The following GDE1 variants were observed in gnomAD, a reference collection of about 807,000 sequenced individuals.
GDE1 encodes glycerophosphodiester phosphodiesterase 1.
Under a neutral mutation model 32.2 loss-of-function variants are expected in GDE1, and 24 were observed. That is an observed-to-expected ratio of 0.75 (90% CI 0.54 to 1.05). GDE1 has a LOEUF of 1.05. Among genes scored for constraint, GDE1 ranks in the 50% least tolerant of loss-of-function variants. The probability of loss-of-function intolerance (pLI) is 0.00; values close to 1 mark genes in which losing one functional copy is unlikely to be tolerated. For missense variants in GDE1, 380 were observed against 415.0 expected (o/e 0.92, Z 0.73); for synonymous variants, 159 against 158.6 (o/e 1.00, Z -0.02).
intron 2 of GDE1, among the ~76,000 whole-genome samples, chr16:19,512,554 C>G (rs532472276): frequency 5.1e-4 from 77 of 152,018 alleles, no homozygotes; most frequent in South Asian, 1.2e-3. Context: ...TGTGCAGAAG[C>G]TTTTTAGTTT....
intron 2 of GDE1, among the ~76,000 whole-genome samples, chr16:19,512,068 T>C (rs1290816307): frequency 6.6e-6 from 1 of 152,148 alleles, no homozygotes; most frequent in Non-Finnish European, 1.5e-5. Context: ...GTTTCCTTTC[T>C]TTTGGATAGA....
intron 2 of GDE1, among the ~76,000 whole-genome samples, chr16:19,511,531 T>C (rs1204572028): frequency 1.3e-5 from 2 of 152,238 alleles, no homozygotes; most frequent in Non-Finnish European, 2.9e-5. Context: ...AGGATGTCCA[T>C]CACCCCAAAT....
At chr16:19,517,541 T>G (rs1263330012) in intron 1 of GDE1, among the ~76,000 whole-genome samples, 1 of 152,226 alleles carries the variant, frequency 6.6e-6, no homozygotes, top group East Asian at 1.9e-4. Flanking sequence ...CTACACTATT[T>G]GTTGGTACAG....
At chr16:19,512,569 T>C (rs2151447493) in intron 2 of GDE1, among the ~76,000 whole-genome samples, 1 of 152,256 alleles carries the variant, frequency 6.6e-6, no homozygotes, top group South Asian at 2.1e-4. Flanking sequence ...TAGTTTAATA[T>C]AGTCACATTT....
intron 5 of GDE1, 47 bp downstream of exon 5, chr16:19,504,834 G>A (rs1047424277): frequency 8.6e-7 from 1 of 1,167,040 alleles, no homozygotes; most frequent in African/African-American, 1.5e-5. Flanking sequence ...TCAAATAAGA[G>A]CATTCAGGAT....
At chr16:19,505,168 GT>G in intron 4 of GDE1, 76 bp from the exon 5 acceptor site, 2 of 1,013,598 alleles carry the variant, frequency 2.0e-6, no homozygotes, top group Non-Finnish European at 3.1e-6. Context: ...TTTAGCCAAT[GT>G]GCTCAATCAG....
Position 19,520,361 on chromosome 16 carries a change from C to G in GDE1, c.261+1343G>C, listed in dbSNP as rs1331862136. Among the ~76,000 whole-genome samples, 6 of 147,660 alleles carry G rather than the reference C, an allele frequency of 4.1e-5. No individual in the cohort carries two copies. In the Admixed American group the frequency reaches 4.1e-4, roughly 10 times the overall value. ...AGGTTGCAGTGAGCTGGGGTTGCGCCGATGCACTGTAGCCTGGGAGACAGT... is the reference window on the plus strand; with the variant it reads ...AGGTTGCAGTGAGCTGGGGTTGCGCGGATGCACTGTAGCCTGGGAGACAGT... On this transcript the variant is annotated intron_variant, in intron 1 of 5. Transcript: ENST00000353258.
chr16:19,509,700 C>T (rs920538143), intron 3 of GDE1, among the ~76,000 whole-genome samples: 3 of 150,436 alleles, frequency 2.0e-5, no homozygotes, highest in Non-Finnish European at 4.4e-5. Context: ...CGCTCTGTCA[C>T]CCAGGCTGGA....
At chr16:19,512,927 T>TTTTGTGTGTG (rs3222404) in intron 2 of GDE1, among the ~76,000 whole-genome samples, 9 of 137,104 alleles carry the variant, frequency 6.6e-5, no homozygotes, top group Non-Finnish European at 9.3e-5. Flanking sequence ...TGTATCTGTT[T>TTTTGTGTGTG]TGTGTGTGTG....
At chr16:19,519,629 C>T (rs1969424690) in intron 1 of GDE1, among the ~76,000 whole-genome samples, 2 of 152,120 alleles carry the variant, frequency 1.3e-5, no homozygotes, top group African/African-American at 2.4e-5. Context: ...CCTATATATA[C>T]TAATATGTGA....
intron 2 of GDE1, among the ~76,000 whole-genome samples, chr16:19,515,773 A>G (rs1969373355): frequency 1.3e-5 from 2 of 152,182 alleles, no homozygotes; most frequent in African/African-American, 4.8e-5. Flanking sequence ...TTTAGGAAAA[A>G]GTATAACTTA....
intron 2 of GDE1, among the ~76,000 whole-genome samples, chr16:19,511,928 T>TA (rs1482863499): frequency 5.3e-5 from 8 of 152,118 alleles, no homozygotes; most frequent in African/African-American, 1.7e-4. Flanking sequence ...CTACATAGTA[T>TA]TCCATTGAGT....
chr16:19,513,599 A>G (rs1969345846), intron 2 of GDE1, among the ~76,000 whole-genome samples: 2 of 152,084 alleles, frequency 1.3e-5, no homozygotes, highest in Non-Finnish European at 2.9e-5. Context: ...GATGCCTTTT[A>G]TTTCTTTCTC....
intron 2 of GDE1, among the ~76,000 whole-genome samples, chr16:19,513,946 T>G (rs1390863533): frequency 6.6e-6 from 1 of 152,184 alleles, no homozygotes; most frequent in Non-Finnish European, 1.5e-5. Context: ...TTAATTCATA[T>G]CCTGGTGACA....
Position 19,503,186 on chromosome 16 carries a change from C to T in GDE1, c.*284G>A. On this transcript the variant is annotated 3_prime_UTR_variant, in exon 6 of 6. Coordinates refer to ENST00000353258, the MANE Select transcript of GDE1 (RefSeq NM_016641.4). ...CTGTACAATTCAATCTGTGCTTATC[C>T]TCACTGGGTCTCCCTGTGTGCCTCA... 9.5e-6 allele frequency: 4 copies of T among 422,208 alleles called. No individual in the cohort carries two copies. The highest frequency in any genetic ancestry group is 1.7e-5 in the Non-Finnish European group (4 of 230,872). 26.2% of individuals were successfully genotyped at this position (422,208 alleles called of 1,614,324 possible).
At chr16:19,504,591 A>G (rs968314267) in intron 5 of GDE1, 4 of 295,962 alleles carry the variant, frequency 1.4e-5, no homozygotes. Flanking sequence ...TTGGCTTTCA[A>G]AAAAACCAGT....
intron 4 of GDE1, 70 bp downstream of exon 4, chr16:19,507,617 G>T: frequency 1.2e-6 from 1 of 804,830 alleles, no homozygotes; most frequent in Non-Finnish European, 2.2e-6. Context: ...TCTATCCTGT[G>T]CTTACGCAGC....
rs549164343 is a variant in GDE1 at position 19,503,210 on chromosome 16, C to A, written c.*260G>T. ...CCTCACTGGGTCTCCCTGTGTGCCT[C>A]AGCTAGGGCAGGGCAGGGGCTCTTG... On this transcript the variant is annotated 3_prime_UTR_variant, in exon 6 of 6. Coordinates refer to ENST00000353258, the MANE Select transcript of GDE1 (RefSeq NM_016641.4). 8.3e-5 allele frequency: 39 copies of A among 468,710 alleles called. No homozygotes were observed. The highest frequency in any genetic ancestry group is 7.3e-4 in the African/African-American group (38 of 52,074). 29.0% of individuals were successfully genotyped at this position (468,710 alleles called of 1,614,324 possible). A position where few individuals can be genotyped will look rare whatever the true frequency, so the allele number is the denominator to read the frequency against.
rs1201805339 is a variant in GDE1 at position 19,517,114 on chromosome 16, C to T, written c.337G>A (p.Asp113Asn). The change falls in exon 2 of 6, where the codon GAT (aspartate) becomes AAT (asparagine). Residue 113 changes from aspartate to asparagine, a missense_variant. Asp to Asn is a conservative substitution (Grantham distance 23, BLOSUM62 1). Transcript: ENST00000353258. Reference sequence around the variant, plus strand: ...TCAGTCGTCCTATCTACTGTGTTATCGTGCATTAAGACAGGAATCCCGTCA... The same window carrying T: ...TCAGTCGTCCTATCTACTGTGTTATTGTGCATTAAGACAGGAATCCCGTCA... ...TSDGIPVLMH[D>N]NTVDRTTDGT... 16 of 1,613,290 alleles carry T rather than the reference C, an allele frequency of 9.9e-6. No individual in the cohort carries two copies. The highest frequency in any genetic ancestry group is 2.2e-5 in the East Asian group (1 of 44,898).
Sources: gnomAD v4.1 joint callset for allele counts (sites outside exome capture counted in the v4.1 genomes callset) on GRCh38, gnomAD v4.1.1 for gene constraint, MANE v1.5 for transcripts, NCBI Gene and HGNC (gene_info 2026-07-23, HGNC 2026-07-21) for gene names.